Variants in SRRM3 observed in about 807,000 individuals in gnomAD.
The protein encoded by SRRM3 is serine/arginine repetitive matrix protein 3.
In SRRM3, 27 loss-of-function variants were observed where a neutral mutation model predicts 66.2. The observed-to-expected ratio is 0.41, with a 90% CI of 0.30 to 0.56. The LOEUF is 0.56. Ranked by LOEUF, SRRM3 falls within the 20% of genes least tolerant of loss-of-function variation. The probability of loss-of-function intolerance (pLI) is 0.32; values close to 1 mark genes in which losing one functional copy is unlikely to be tolerated. For missense variants in SRRM3, 918 were observed against 991.9 expected (o/e 0.93, Z 1.00); for synonymous variants, 391 against 414.9 (o/e 0.94, Z 0.70).
intron 1 of SRRM3, among the ~76,000 whole-genome samples, chr7:76,203,865 G>A (rs1000254084): frequency 4.0e-5 from 6 of 151,856 alleles, no homozygotes; most frequent in African/African-American, 1.2e-4. Flanking sequence ...TATGATGCCA[G>A]CTTTACAGGT....
intron 1 of SRRM3, among the ~76,000 whole-genome samples, chr7:76,211,310 A>AG (rs1232232906): frequency 6.8e-6 from 1 of 146,718 alleles, no homozygotes; most frequent in Non-Finnish European, 1.5e-5. Flanking sequence ...AGGAGCAGAG[A>AG]GGAGGAGGTA....
At chr7:76,212,845 A>T (rs1384778300) in intron 1 of SRRM3, among the ~76,000 whole-genome samples, 1 of 151,838 alleles carries the variant, frequency 6.6e-6, no homozygotes, top group Non-Finnish European at 1.5e-5. Flanking sequence ...CACTTTGCAC[A>T]TGTGGTTCCC....
intron 1 of SRRM3, among the ~76,000 whole-genome samples, chr7:76,224,387 C>G (rs1275733327): frequency 6.7e-6 from 1 of 150,148 alleles, no homozygotes; most frequent in Non-Finnish European, 1.5e-5. Flanking sequence ...GCCAAAGACA[C>G]ATCTTTCAAA....
chr7:76,208,514 A>AAAG (rs1194765140), intron 1 of SRRM3, among the ~76,000 whole-genome samples: 15 of 151,522 alleles, frequency 9.9e-5, no homozygotes, highest in South Asian at 2.1e-4. Context: ...ACAAAAAAAA[A>AAAG]AAGAAGAAGA....
At position 76,216,049 on chromosome 7, in the gene SRRM3, T is replaced by C. The variant is rs1203354827; in HGVS notation, c.-40+13982T>C. On this transcript the variant is annotated intron_variant, in intron 1 of 14. Coordinates refer to ENST00000611745, the MANE Select transcript of SRRM3 (RefSeq NM_001110199.3). ...GTCTCGATCTCCTGACCTCGTGATCTGCCCACCTTGGCCTCCCAAAGTGCT... is the reference window on the plus strand; with the variant it reads ...GTCTCGATCTCCTGACCTCGTGATCCGCCCACCTTGGCCTCCCAAAGTGCT... Among the ~76,000 whole-genome samples the C allele has an allele frequency of 4.6e-5, 7 of 151,834 alleles. No individual in the cohort carries two copies. The South Asian group carries it at 1.0e-3, about 23-fold the overall frequency.
intron 1 of SRRM3, among the ~76,000 whole-genome samples, chr7:76,202,572 G>A (rs1800179146): frequency 6.6e-6 from 1 of 152,170 alleles, no homozygotes. Context: ...CTGGCAAGGA[G>A]AACTGGGTCT....
intron 10 of SRRM3, among the ~76,000 whole-genome samples, chr7:76,266,631 TTTAATATA>T (rs1282981358): frequency 3.1e-5 from 4 of 130,702 alleles, no homozygotes; most frequent in African/African-American, 1.1e-4. Context: ...TTAATATATA[TTTAATATA>T]TTTATATATT....
At position 76,235,086 on chromosome 7, in the gene SRRM3, A is replaced by G; in HGVS notation, c.20A>G (p.Asn7Ser). ...GCCACGATGTCCTCCACCGTGAACA[A>G]CGGGGCGGCCAGCATGCAGTCCACA... MSSTVNNGAASMQSTPD... is the reference protein window; with the variant it reads MSSTVNSGAASMQSTPD... Residue 7 changes from asparagine to serine, a missense_variant, in exon 2 of 15, where the codon AAC becomes AGC. Physicochemically the swap from Asn to Ser is conservative, Grantham distance 46. Transcript: ENST00000611745. 1 of 1,582,600 alleles carries G rather than the reference A, an allele frequency of 6.3e-7. No individual in the cohort carries two copies. The highest frequency in any genetic ancestry group is 1.1e-5 in the South Asian group (1 of 87,300).
intron 1 of SRRM3, among the ~76,000 whole-genome samples, chr7:76,208,056 T>C (rs1800343213): frequency 6.6e-6 from 1 of 152,124 alleles, no homozygotes; most frequent in South Asian, 2.1e-4. Flanking sequence ...AAAATAACTT[T>C]ATGGCCTGGG....
intron 3 of SRRM3, among the ~76,000 whole-genome samples, chr7:76,256,977 T>C (rs1554607806): frequency 6.6e-6 from 1 of 152,222 alleles, no homozygotes; most frequent in Non-Finnish European, 1.5e-5. Flanking sequence ...CCCAAAGTGC[T>C]GGGATTACAG....
rs535731593 is a variant in SRRM3, at chr7:76,264,658, A to G, written c.675-107A>G. 287 of 1,192,416 alleles carry G rather than the reference A, an allele frequency of 2.4e-4. 4 individuals are homozygous for G. Among genetic ancestry groups the G allele is most frequent in the South Asian group, 1.7e-3 (128 of 75,714 alleles). The allele number at this position is 1,192,416 out of a possible 1,614,324, so 73.9% of individuals were successfully genotyped here. ...CCGCCAGCCATGGGGCTTAGGCCCT[A>G]GAGTGGAACAAATCTCAGATCCACA... On this transcript the variant is annotated intron_variant, in intron 8 of 14. Coordinates refer to ENST00000611745, the MANE Select transcript of SRRM3 (RefSeq NM_001110199.3).
chr7:76,272,295 T>G (rs57992324), intron 11 of SRRM3, among the ~76,000 whole-genome samples: 24,565 of 152,146 alleles, frequency 0.16, 2,924 homozygotes, highest in African/African-American at 0.33. Context: ...GCACAGTGAC[T>G]TATGCCGGTA....
At chr7:76,249,897 A>G (rs533166094) in intron 3 of SRRM3, among the ~76,000 whole-genome samples, 1 of 152,144 alleles carries the variant, frequency 6.6e-6, no homozygotes, top group African/African-American at 2.4e-5. Context: ...ATAATAATAA[A>G]TCTTAGCCTA....
intron 3 of SRRM3, among the ~76,000 whole-genome samples, chr7:76,249,395 G>C (rs963408903): frequency 6.6e-6 from 1 of 151,936 alleles, no homozygotes; most frequent in Non-Finnish European, 1.5e-5. Flanking sequence ...AAAAAAAAAG[G>C]GTGTATGGCT....
chr7:76,218,369 T>C (rs1324126663), intron 1 of SRRM3, among the ~76,000 whole-genome samples: 1 of 152,064 alleles, frequency 6.6e-6, no homozygotes, highest in Non-Finnish European at 1.5e-5. Context: ...CATAAGACTG[T>C]TCTTTCTTGG....
intron 1 of SRRM3, among the ~76,000 whole-genome samples, chr7:76,216,514 A>G (rs551150349): frequency 6.6e-6 from 1 of 152,290 alleles, no homozygotes; most frequent in South Asian, 2.1e-4. Context: ...TGATTTCTTC[A>G]ATGGCGAGTC....
chr7:76,263,090 G>A (rs1801922773), intron 8 of SRRM3, among the ~76,000 whole-genome samples: 2 of 152,152 alleles, frequency 1.3e-5, no homozygotes, highest in Non-Finnish European at 2.9e-5. Context: ...TGGCCTCCCA[G>A]TGTCTATGGA....
chr7:76,283,225 G>A (rs1014477289), intron 14 of SRRM3, 124 bp downstream of exon 14: 1 of 1,156,858 alleles, frequency 8.6e-7, no homozygotes, highest in Non-Finnish European at 1.1e-6. Context: ...GGATGGGGGG[G>A]GGTGCTAAGG....
chr7:76,277,732 AAAAG>A lies in SRRM3; in HGVS notation c.1009-3707_1009-3704del, dbSNP rs1479397083. Among the ~76,000 whole-genome samples, 26 of 139,648 alleles carry A rather than the reference AAAAG, an allele frequency of 1.9e-4. No individual in the cohort carries two copies. In the East Asian group the frequency reaches 2.1e-3, roughly 11 times the overall value. 91.6% of individuals were successfully genotyped at this position (139,648 alleles called of 152,430 possible). ...AAACAACAACAAAAAAAAAAAAAAA[AAAAG>A]AGAGAGAGAGAAAGAAAGAAAAGAA... On this transcript the variant is annotated intron_variant, in intron 11 of 14. Transcript: ENST00000611745.
Sources: allele counts gnomAD v4.1 joint callset (sites outside exome capture counted in the v4.1 genomes callset), GRCh38; gene constraint gnomAD v4.1.1; transcripts MANE v1.5; gene names NCBI Gene and HGNC (gene_info 2026-07-23, HGNC 2026-07-21).